AOPEP: variants seen among roughly 807,000 people sequenced by gnomAD.
AOPEP encodes the protein aminopeptidase O (putative).
AOPEP carries 77 observed loss-of-function variants against 98.1 expected under a neutral mutation model. That is an observed-to-expected ratio of 0.78 (90% CI 0.65 to 0.95). The LOEUF (loss-of-function observed/expected upper bound fraction) is 0.95, where lower values mean the gene tolerates loss of function less well. Ranked by LOEUF, AOPEP falls within the 40% of genes least tolerant of loss-of-function variation. AOPEP has a pLI of 0.00. For missense variants in AOPEP, 1,024 were observed against 1,024.7 expected, an observed-to-expected ratio of 1.00 and a Z score of 0.01; for synonymous variants, 346 against 365.3, an observed-to-expected ratio of 0.95 and a Z score of 0.60.
At chr9:95,024,418 A>AT (rs2133242677) in intron 13 of AOPEP, among the ~76,000 whole-genome samples, 1 of 152,206 alleles carries the variant, frequency 6.6e-6, no homozygotes, top group East Asian at 1.9e-4. Flanking sequence ...GAGCATTCTC[A>AT]TTGTTTTCTC....
At chr9:94,822,423 CTTTGCTGTT>C (rs1853451634) in intron 5 of AOPEP, among the ~76,000 whole-genome samples, 1 of 152,156 alleles carries the variant, frequency 6.6e-6, no homozygotes, top group Admixed American at 6.5e-5. Flanking sequence ...TATGGCTAAG[CTTTGCTGTT>C]TTTGCTTTAA....
chr9:95,068,002 G>A (rs1485964743), intron 14 of AOPEP, among the ~76,000 whole-genome samples: 1 of 152,118 alleles, frequency 6.6e-6, no homozygotes, highest in Non-Finnish European at 1.5e-5. Flanking sequence ...CTTCTTTGTA[G>A]CATATATCAT....
At chr9:94,914,639 A>G (rs1156888185) in intron 5 of AOPEP, among the ~76,000 whole-genome samples, 3 of 151,780 alleles carry the variant, frequency 2.0e-5, no homozygotes, top group African/African-American at 7.3e-5. Flanking sequence ...TTTTTAATGT[A>G]ATGTCAAAAT....
chr9:94,727,709 G>T (rs942549049), intron 1 of AOPEP, among the ~76,000 whole-genome samples: 2 of 152,164 alleles, frequency 1.3e-5, no homozygotes, highest in Admixed American at 6.5e-5. Flanking sequence ...TGTATATTGT[G>T]CTTCGTATAA....
chr9:94,805,953 T>G (rs757635820), intron 5 of AOPEP, among the ~76,000 whole-genome samples: 3 of 152,240 alleles, frequency 2.0e-5, no homozygotes, highest in Non-Finnish European at 2.9e-5. Flanking sequence ...GTCATAAATT[T>G]CTGTCATTAT....
At chr9:94,837,218 ACT>A (rs1454409764) in intron 5 of AOPEP, among the ~76,000 whole-genome samples, 4 of 152,188 alleles carry the variant, frequency 2.6e-5, no homozygotes, top group African/African-American at 7.2e-5. Flanking sequence ...AGAATTAGAA[ACT>A]CTGAACAGAA....
At chr9:94,855,472 TGAGGTC>T (rs1293635642) in intron 5 of AOPEP, among the ~76,000 whole-genome samples, 2 of 151,778 alleles carry the variant, frequency 1.3e-5, no homozygotes, top group Non-Finnish European at 2.9e-5. Flanking sequence ...GCGGATCACC[TGAGGTC>T]GGGAGTTCGA....
At chr9:95,125,076 T>C in the AOPEP span, 1 of 1,610,028 alleles carries the variant, frequency 6.2e-7, no homozygotes, top group Admixed American at 1.7e-5. Context: ...ATATATGTGA[T>C]ATAACAAACC....
In AOPEP at chr9:94,972,195, T is replaced by C. The variant is rs2059579995; in HGVS notation, c.1916+4394T>C. Among the ~76,000 whole-genome samples the C allele has an allele frequency of 6.6e-6, 1 of 152,180 alleles. No homozygotes were observed. The highest frequency in any genetic ancestry group is 2.1e-4 in the South Asian group (1 of 4,828). On this transcript the variant is annotated intron_variant, in intron 10 of 16. Coordinates refer to ENST00000375315, the MANE Select transcript of AOPEP (RefSeq NM_001193329.3). The surrounding 1 kb of genome is among the most constrained non-coding windows in gnomAD (Gnocchi z 4.2). ...TTGCCACAGAAAAGACTTGGTTGAC[T>C]GGTTGTGAAAGTTGAGTCCGACCTT...
chr9:94,854,230 G>A (rs2043910315), intron 5 of AOPEP, among the ~76,000 whole-genome samples: 1 of 152,154 alleles, frequency 6.6e-6, no homozygotes, highest in African/African-American at 2.4e-5. Context: ...TGTGCCTGCT[G>A]ACACTGTAGT....
At chr9:95,124,945 G>A in the AOPEP span, 1 of 743,130 alleles carries the variant, frequency 1.3e-6, no homozygotes, top group South Asian at 1.5e-5. Flanking sequence ...CTTAACCTTT[G>A]TTGGGGCACT....
intron 3 of AOPEP, among the ~76,000 whole-genome samples, chr9:94,778,801 G>T (rs1316950089): frequency 1.3e-5 from 2 of 152,166 alleles, no homozygotes; most frequent in Non-Finnish European, 2.9e-5. Flanking sequence ...GCCAAGATGG[G>T]CGGATCACTT....
chr9:94,751,414 C>G (rs1835746321), intron 1 of AOPEP, among the ~76,000 whole-genome samples: 3 of 152,222 alleles, frequency 2.0e-5, no homozygotes, highest in Admixed American at 2.0e-4. Flanking sequence ...AAAACTAAAA[C>G]TGTGTTTGTT....
chr9:94,750,627 A>G (rs911185428), intron 1 of AOPEP, among the ~76,000 whole-genome samples: 1 of 152,160 alleles, frequency 6.6e-6, no homozygotes, highest in Non-Finnish European at 1.5e-5. Context: ...TCAGGTTTCA[A>G]TCTGAGTTTT....
intron 5 of AOPEP, among the ~76,000 whole-genome samples, chr9:94,812,629 G>C (rs1429584238): frequency 6.6e-6 from 1 of 152,086 alleles, no homozygotes; most frequent in East Asian, 1.9e-4. Context: ...GAGGAGCCTG[G>C]TGTCAGAGAA....
intron 14 of AOPEP, among the ~76,000 whole-genome samples, chr9:95,073,656 A>C (rs7023722): frequency 0.21 from 31,534 of 152,106 alleles, 3,422 homozygotes; most frequent in Middle Eastern, 0.31. Context: ...CAGGAGTTCA[A>C]GACCAGCCTG....
chr9:95,000,992 T>C (rs2061525943), intron 11 of AOPEP, among the ~76,000 whole-genome samples: 1 of 152,178 alleles, frequency 6.6e-6, no homozygotes, highest in African/African-American at 2.4e-5. Context: ...TAATTTGCCA[T>C]CTGTGGCTGT....
chr9:94,870,948 G>A (rs114222356), intron 5 of AOPEP, among the ~76,000 whole-genome samples: 1,809 of 152,298 alleles, frequency 0.012, 37 homozygotes, highest in African/African-American at 0.041. Context: ...GATTGGACTA[G>A]GCCATTGTCC....
At chr9:95,086,410 G>A in intron 16 of AOPEP, 1 of 985,442 alleles carries the variant, frequency 1.0e-6, no homozygotes, top group Non-Finnish European at 1.2e-6. Flanking sequence ...AACAGTTAGA[G>A]TGGGTGCGTG....
Sources: allele counts gnomAD v4.1 joint callset (sites outside exome capture counted in the v4.1 genomes callset), GRCh38; gene constraint gnomAD v4.1.1; non-coding constraint Gnocchi (gnomAD v3.1); transcripts MANE v1.5; gene names NCBI Gene and HGNC (gene_info 2026-07-23, HGNC 2026-07-21).